LIN54: variants seen among roughly 807,000 people sequenced by gnomAD.
LIN54 encodes lin-54 DREAM MuvB core complex component.
In LIN54, 9 loss-of-function variants were observed where a neutral mutation model predicts 78.7. The ratio of observed to expected loss-of-function variants is 0.11; its 90% CI spans 0.07 to 0.20. LIN54 has a LOEUF of 0.20. Ranked by LOEUF, LIN54 falls within the 10% of genes least tolerant of loss-of-function variation. The probability of loss-of-function intolerance (pLI) is 1.00; values close to 1 mark genes in which losing one functional copy is unlikely to be tolerated. For synonymous variants in LIN54, 269 were observed against 318.4 expected (o/e 0.84, Z 1.65); for missense variants, 573 against 889.9 (o/e 0.64, Z 4.53).
chr4:82,932,902 C>T (rs1319952471), intron 11 of LIN54, among the ~76,000 whole-genome samples: 4 of 152,052 alleles, frequency 2.6e-5, no homozygotes, highest in African/African-American at 9.7e-5. Context: ...GTATATTTCC[C>T]TGATTTCTAA....
At chr4:83,007,116 G>A (rs536866408) in intron 1 of LIN54, among the ~76,000 whole-genome samples, 13 of 151,810 alleles carry the variant, frequency 8.6e-5, no homozygotes, top group African/African-American at 3.1e-4. Context: ...CTCCAGCCTG[G>A]GCAACAGAGT....
At chr4:82,963,579 C>T (rs910372102) in intron 4 of LIN54, among the ~76,000 whole-genome samples, 1 of 151,616 alleles carries the variant, frequency 6.6e-6, no homozygotes, top group African/African-American at 2.4e-5. Context: ...AGGGAGAAAT[C>T]GGAAACACTC....
At chr4:82,979,052 G>C in intron 2 of LIN54, 46 bp from the exon 3 acceptor site, 2 of 1,457,182 alleles carry the variant, frequency 1.4e-6, no homozygotes, top group Non-Finnish European at 1.9e-6. Flanking sequence ...TCTATAAAAT[G>C]CCTATTAAAT....
In LIN54 at chr4:83,010,634, G is replaced by C; in HGVS notation, c.-183C>G. 1 of 1,230,684 alleles carries C rather than the reference G, an allele frequency of 8.1e-7. No homozygotes were observed. The allele number at this position is 1,230,684 out of a possible 1,614,324, so 76.2% of individuals were successfully genotyped here. A position where few individuals can be genotyped will look rare whatever the true frequency, so the allele number is the denominator to read the frequency against. On this transcript the variant is annotated 5_prime_UTR_variant, in exon 1 of 13. Coordinates refer to ENST00000340417, the MANE Select transcript of LIN54 (RefSeq NM_194282.4). ...TTTCCCAGTTTGTCCAAACTGGAGCGCTCCAGGGTACCCGGGGACCGAGAA... is the reference window on the plus strand; with the variant it reads ...TTTCCCAGTTTGTCCAAACTGGAGCCCTCCAGGGTACCCGGGGACCGAGAA...
At chr4:83,004,981 G>GC (rs1687781674) in intron 1 of LIN54, among the ~76,000 whole-genome samples, 1 of 152,118 alleles carries the variant, frequency 6.6e-6, no homozygotes, top group Non-Finnish European at 1.5e-5. Flanking sequence ...TGCAACCTCT[G>GC]CCTCCCAGGT....
chr4:82,974,073 G>T (rs13127052), intron 3 of LIN54, among the ~76,000 whole-genome samples: 1 of 151,800 alleles, frequency 6.6e-6, no homozygotes, highest in Non-Finnish European at 1.5e-5. Flanking sequence ...AGCTGGGTGT[G>T]GTGGCAGGCA....
chr4:82,966,592 A>C (rs1725222625), intron 4 of LIN54, among the ~76,000 whole-genome samples: 1 of 151,922 alleles, frequency 6.6e-6, no homozygotes, highest in African/African-American at 2.4e-5. Flanking sequence ...CTGCAAGGAG[A>C]AACTGACATC....
At chr4:82,965,077 T>C (rs142956951) in intron 4 of LIN54, among the ~76,000 whole-genome samples, 110 of 152,264 alleles carry the variant, frequency 7.2e-4, no homozygotes, top group African/African-American at 2.5e-3. Flanking sequence ...ATTTCTTGTA[T>C]TTCTGAGAGA....
At chr4:82,936,809 G>A (rs1722432287) in intron 9 of LIN54, among the ~76,000 whole-genome samples, 1 of 152,114 alleles carries the variant, frequency 6.6e-6, no homozygotes, top group African/African-American at 2.4e-5. Flanking sequence ...GCCCCAATAA[G>A]ACCAATGCTT....
chr4:83,004,446 A>G (rs1418646503), intron 1 of LIN54, among the ~76,000 whole-genome samples: 1 of 148,584 alleles, frequency 6.7e-6, no homozygotes, highest in Non-Finnish European at 1.5e-5. Flanking sequence ...AAAACTGCAC[A>G]TCTGCGCTAG....
intron 4 of LIN54, among the ~76,000 whole-genome samples, chr4:82,956,352 C>CT (rs1422953332): frequency 2.4e-4 from 2 of 8,188 alleles, no homozygotes; most frequent in African/African-American, 4.8e-4. Context: ...CCCGTCTCAA[C>CT]TAAAAAAAAA....
chr4:82,955,770 AATT>A (rs1316407247), intron 4 of LIN54, among the ~76,000 whole-genome samples: 1 of 150,860 alleles, frequency 6.6e-6, no homozygotes, highest in African/African-American at 2.4e-5. Flanking sequence ...AAAAAAAAAA[AATT>A]AAAAGACTGT....
At chr4:82,976,692 G>T (rs1414875467) in intron 3 of LIN54, among the ~76,000 whole-genome samples, 2 of 152,066 alleles carry the variant, frequency 1.3e-5, no homozygotes, top group African/African-American at 4.8e-5. Context: ...TCGGTGACAG[G>T]GCGAGACTCC....
At chr4:82,942,349 T>C (rs373066481) in intron 5 of LIN54, among the ~76,000 whole-genome samples, 4 of 152,278 alleles carry the variant, frequency 2.6e-5, no homozygotes, top group East Asian at 3.9e-4. Flanking sequence ...TTTGTGAATA[T>C]ACTAAAAACC....
chr4:83,010,907 C>T, upstream of LIN54: 5 of 1,065,630 alleles, frequency 4.7e-6, no homozygotes, highest in Non-Finnish European at 5.9e-6. Flanking sequence ...CCTCCCGCCG[C>T]CCCGCCAACC....
chr4:82,993,677 G>A (rs551835121), intron 1 of LIN54, among the ~76,000 whole-genome samples: 2 of 151,970 alleles, frequency 1.3e-5, no homozygotes, highest in South Asian at 4.2e-4. Flanking sequence ...GAGTGCAGTG[G>A]TGTGATCTTG....
At chr4:82,932,295 A>AC (rs1722027490) in intron 11 of LIN54, among the ~76,000 whole-genome samples, 1 of 150,280 alleles carries the variant, frequency 6.7e-6, no homozygotes, top group South Asian at 2.1e-4. Flanking sequence ...ACGGGGTTTC[A>AC]CCGTGTTAGC....
At chr4:82,928,896 T>C (rs1375417986) in intron 12 of LIN54, among the ~76,000 whole-genome samples, 1 of 152,228 alleles carries the variant, frequency 6.6e-6, no homozygotes, top group Non-Finnish European at 1.5e-5. Context: ...CAGAGTTGCA[T>C]TCATAAAGAC....
chr4:82,991,652 G>A (rs1282459910), intron 1 of LIN54, among the ~76,000 whole-genome samples: 12 of 152,148 alleles, frequency 7.9e-5, no homozygotes, highest in Admixed American at 7.9e-4. Context: ...ACCAGGTTGA[G>A]AAAGTTTACG....
Sources: gnomAD v4.1 joint callset for allele counts (sites outside exome capture counted in the v4.1 genomes callset) on GRCh38, gnomAD v4.1.1 for gene constraint, MANE v1.5 for transcripts, NCBI Gene and HGNC (gene_info 2026-07-23, HGNC 2026-07-21) for gene names.